Variants in CNGA3 observed in about 807,000 individuals in gnomAD.
CNGA3 encodes the protein cyclic nucleotide gated channel subunit alpha 3, also known as cyclic nucleotide-gated channel alpha-3.
CNGA3 carries 42 observed loss-of-function variants against 46.6 expected under a neutral mutation model. The observed-to-expected ratio is 0.90, with a 90% CI of 0.70 to 1.17. The LOEUF is 1.17. Among genes scored for constraint, CNGA3 ranks in the 50% most tolerant of loss-of-function variants. The probability of loss-of-function intolerance (pLI) is 0.00; values close to 1 mark genes in which losing one functional copy is unlikely to be tolerated. For missense variants in CNGA3, 893 were observed against 890.7 expected, an observed-to-expected ratio of 1.00 and a Z score of -0.03; for synonymous variants, 394 against 369.4, an observed-to-expected ratio of 1.07 and a Z score of -0.76.
chr2:98,396,867 C>A lies in CNGA3; in HGVS notation c.1697C>A (p.Ala566Asp). 6.2e-7 allele frequency: 1 copy of A among 1,614,140 alleles called. No individual in the cohort carries two copies. The highest frequency in any genetic ancestry group is 1.3e-5 in the African/African-American group (1 of 75,040). Residue 566 changes from alanine to aspartate, a missense_variant, in exon 8 of 8, where the codon GCC (alanine) becomes GAC (aspartate). Ala to Asp is a moderately radical substitution (Grantham distance 126). This residue lies in a region of CNGA3 where 548 missense variants were observed against 570.8 expected (regional missense o/e 0.96). Coordinates refer to ENST00000272602, the MANE Select transcript of CNGA3 (RefSeq NM_001298.3). ...AGCAAGTCGGGGAACCGCAGGACGGCCAACATCCGCAGCATTGGCTACTCA... is the reference window on the plus strand; with the variant it reads ...AGCAAGTCGGGGAACCGCAGGACGGACAACATCCGCAGCATTGGCTACTCA... ...KGSKSGNRRT[A>D]NIRSIGYSDL... is the part of the protein sequence containing the mutation.
intron 1 of CNGA3, among the ~76,000 whole-genome samples, chr2:98,354,466 G>A (rs1302463162): frequency 6.6e-6 from 1 of 152,064 alleles, no homozygotes; most frequent in African/African-American, 2.4e-5. Flanking sequence ...TTGTTATTGA[G>A]TTATAAGAGT....
Position 98,377,712 on chromosome 2 carries a change from T to A in CNGA3, c.127T>A (p.Ser43Thr), listed in dbSNP as rs1244016268. 1.9e-6 allele frequency: 3 copies of A among 1,613,316 alleles called. No individual in the cohort carries two copies. The highest frequency in any genetic ancestry group is 1.3e-5 in the African/African-American group (1 of 74,912). ...AGCCCACTCGTCAAGTGAGGAGACA[T>A]CGTCAGTGCTGCAGCCGGGGATCGC... is the stretch of plus-strand genomic sequence containing the variant. Reference protein sequence around the residue: ...SRAHSSSEETSSVLQPGIAME... With the variant: ...SRAHSSSEETTSVLQPGIAME... Residue 43 changes from serine (S) to threonine (T), a missense_variant, in exon 3 of 8, where the codon TCG (serine) becomes ACG (threonine). This residue lies in a region of CNGA3 where 333 missense variants were observed against 290.8 expected (regional missense o/e 1.15). Coordinates refer to ENST00000272602, the MANE Select transcript of CNGA3 (RefSeq NM_001298.3).
At chr2:98,382,318 T>C (rs1219376239) in intron 4 of CNGA3, among the ~76,000 whole-genome samples, 1 of 152,148 alleles carries the variant, frequency 6.6e-6, no homozygotes, top group Non-Finnish European at 1.5e-5. Flanking sequence ...AGAGGCATGG[T>C]GAACACAGCC....
intron 1 of CNGA3, among the ~76,000 whole-genome samples, chr2:98,357,086 A>G (rs949560532): frequency 2.0e-5 from 3 of 152,200 alleles, no homozygotes; most frequent in Admixed American, 1.3e-4. Flanking sequence ...TCTACTACCT[A>G]CTAAATGTAT....
chr2:98,386,489 A>C (rs1379431254), intron 5 of CNGA3, among the ~76,000 whole-genome samples: 3 of 152,222 alleles, frequency 2.0e-5, no homozygotes, highest in Non-Finnish European at 4.4e-5. Flanking sequence ...CCGCCACGTA[A>C]GATGTGACTT....
intron 1 of CNGA3, among the ~76,000 whole-genome samples, chr2:98,347,403 C>G (rs1257441576): frequency 1.3e-5 from 2 of 152,314 alleles, no homozygotes; most frequent in Middle Eastern, 3.4e-3. Flanking sequence ...CGGCCCCTCC[C>G]GACGCCCCTG....
chr2:98,347,102 G>A (rs541387420), intron 1 of CNGA3: 27 of 152,504 alleles, frequency 1.8e-4, no homozygotes, highest in African/African-American at 6.0e-4. Flanking sequence ...GGAGGGAGCA[G>A]GGCCGGGGGA....
At position 98,374,882 on chromosome 2, in the gene CNGA3, T is replaced by A. The variant is rs1285882809; in HGVS notation, c.102-2805T>A. Among the ~76,000 whole-genome samples, 3 of 152,276 alleles carry A rather than the reference T, an allele frequency of 2.0e-5. No homozygotes were observed. The East Asian group carries it at 5.8e-4, about 29-fold the overall frequency. ...GCATCATGTAAGGATCTCCCTGTTC[T>A]TCACGGCCAGTTGTGCCTTTCTGGT... is the stretch of plus-strand genomic sequence containing the variant. On this transcript the variant is annotated intron_variant, in intron 2 of 7. Transcript: ENST00000272602.
rs771894602 is a variant in CNGA3, at chr2:98,391,951, G to C, written c.654G>C (p.Val218=). 3 of 1,613,994 alleles carry C rather than the reference G, an allele frequency of 1.9e-6. No individual in the cohort carries two copies. The highest frequency in any genetic ancestry group is 3.3e-5 in the Admixed American group (2 of 60,026). The change falls in exon 7 of 8, where the codon GTG becomes GTC. Residue 218 remains valine (V), a synonymous_variant. Coordinates refer to ENST00000272602, the MANE Select transcript of CNGA3 (RefSeq NM_001298.3). The part of the protein sequence containing the change: ...YSADVLYVLD[V]LVRARTGFLE... ...CAGATGTCCTGTATGTCTTGGATGTGCTTGTACGAGCTCGGACAGGTGAGT... is the reference window on the plus strand; with the variant it reads ...CAGATGTCCTGTATGTCTTGGATGTCCTTGTACGAGCTCGGACAGGTGAGT...
Position 98,396,420 on chromosome 2 carries a change from T to A in CNGA3, c.1250T>A (p.Ile417Asn). The A allele has an allele frequency of 3.1e-6, 5 of 1,613,898 alleles. No homozygotes were observed. The highest frequency in any genetic ancestry group is 3.4e-6 in the Non-Finnish European group (4 of 1,180,018). Residue 417 changes from isoleucine (I) to asparagine (N), a missense_variant, in exon 8 of 8, where the codon ATT (isoleucine) becomes AAT (asparagine). By Grantham distance (149) the Ile-to-Asn change is moderately radical. Around this residue, in one of 3 missense-constraint regions of CNGA3, gnomAD observed 548 missense variants for 570.8 expected, o/e 0.96. Coordinates refer to ENST00000272602, the MANE Select transcript of CNGA3 (RefSeq NM_001298.3). ...NASRAEFQAKIDSIKQYMQFR... is the reference protein window; with the variant it reads ...NASRAEFQAKNDSIKQYMQFR... ...TCACGGGCAGAGTTCCAGGCCAAGA[T>A]TGATTCCATCAAGCAGTACATGCAG...
At chr2:98,382,330 C>T (rs547794933) in intron 4 of CNGA3, among the ~76,000 whole-genome samples, 5 of 152,240 alleles carry the variant, frequency 3.3e-5, no homozygotes, top group Non-Finnish European at 7.3e-5. Flanking sequence ...AACACAGCCA[C>T]TGCATCCCCC....
chr2:98,393,603 T>C (rs1558818842), intron 7 of CNGA3, among the ~76,000 whole-genome samples: 2 of 152,184 alleles, frequency 1.3e-5, no homozygotes, highest in African/African-American at 2.4e-5. Flanking sequence ...GCTGCAGTCA[T>C]GTTAAACTCC....
At chr2:98,383,299 G>GATA in intron 4 of CNGA3, 89 bp from the exon 5 acceptor site, 1 of 1,215,206 alleles carries the variant, frequency 8.2e-7, no homozygotes, top group Admixed American at 1.7e-5. Flanking sequence ...TAGGGATTGG[G>GATA]GGGTGGGGCA....
chr2:98,370,734 A>G (rs1220833359), intron 2 of CNGA3, among the ~76,000 whole-genome samples: 1 of 152,262 alleles, frequency 6.6e-6, no homozygotes, highest in Non-Finnish European at 1.5e-5. Flanking sequence ...ACAATGAAAC[A>G]GCATTTTTTC....
At chr2:98,380,004 C>A in intron 3 of CNGA3, 171 bp from the exon 4 acceptor site, 1 of 746,332 alleles carries the variant, frequency 1.3e-6, no homozygotes, top group South Asian at 1.7e-5. Context: ...GAGATGCAAA[C>A]TTAGACCACA....
At chr2:98,350,337 A>T (rs1691745774) in intron 1 of CNGA3, among the ~76,000 whole-genome samples, 1 of 152,208 alleles carries the variant, frequency 6.6e-6, no homozygotes, top group Non-Finnish European at 1.5e-5. Context: ...AAAGTTAGAT[A>T]TGGACATCTT....
chr2:98,394,593 T>C (rs1300201609), intron 7 of CNGA3, among the ~76,000 whole-genome samples: 2 of 152,252 alleles, frequency 1.3e-5, no homozygotes, highest in Non-Finnish European at 2.9e-5. Context: ...TTGTTTCATC[T>C]GTTCCTTTTC....
chr2:98,377,559 C>T (rs1351986813), intron 2 of CNGA3, 128 bp from the exon 3 acceptor site: 2 of 873,764 alleles, frequency 2.3e-6, no homozygotes, highest in Non-Finnish European at 3.7e-6. Context: ...TGGGGAGCCC[C>T]TGGGATGAGG....
At chr2:98,369,837 G>A (rs1010404870) in intron 1 of CNGA3, 102 bp from the exon 2 acceptor site, 19 of 713,064 alleles carry the variant, frequency 2.7e-5, no homozygotes, top group Middle Eastern at 2.4e-4. Flanking sequence ...GCCTGCCAGG[G>A]CTTGCAGGGG....
Sources: allele counts gnomAD v4.1 joint callset (sites outside exome capture counted in the v4.1 genomes callset), GRCh38; gene constraint gnomAD v4.1.1; regional missense constraint gnomAD v4.1.1; transcripts MANE v1.5; gene names NCBI Gene and HGNC (gene_info 2026-07-23, HGNC 2026-07-21).